DMXL2: variants seen among roughly 807,000 people sequenced by gnomAD.
The protein encoded by DMXL2 is dmX-like protein 2.
DMXL2 carries 103 observed loss-of-function variants against 331.1 expected under a neutral mutation model. That is an observed-to-expected ratio of 0.31 (90% CI 0.27 to 0.37). DMXL2 has a LOEUF of 0.37. Ranked by LOEUF, DMXL2 falls within the 10% of genes least tolerant of loss-of-function variation. The pLI is 1.00. For synonymous variants in DMXL2, 1,281 were observed against 1,252.1 expected (o/e 1.02, Z -0.49); for missense variants, 3,171 against 3,642.9 (o/e 0.87, Z 3.33).
chr15:51,458,378 T>G, intron 36 of DMXL2, 128 bp downstream of exon 36: 1 of 995,974 alleles, frequency 1.0e-6, no homozygotes, highest in Non-Finnish European at 1.5e-6. Flanking sequence ...CTAAACCAAT[T>G]ATATTTGTCA....
chr15:51,456,278 C>A lies in DMXL2; in HGVS notation c.8398+31G>T. 5 of 1,595,562 alleles carry A rather than the reference C, an allele frequency of 3.1e-6. No individual in the cohort carries two copies. The South Asian group carries it at 4.5e-5, about 14-fold the overall frequency. On this transcript the variant is annotated intron_variant, in intron 38 of 43. Coordinates refer to ENST00000560891, the MANE Select transcript of DMXL2 (RefSeq NM_001378457.1). ...CTATAAATCAACCTCCAAATGAGGA[C>A]ACTTACAATTATTAGGTCATAAATA...
At chr15:51,528,735 C>T (rs2047828806) in intron 13 of DMXL2, among the ~76,000 whole-genome samples, 1 of 151,700 alleles carries the variant, frequency 6.6e-6, no homozygotes, top group Non-Finnish European at 1.5e-5. Context: ...AACAAAGAAA[C>T]ATCAGACTTA....
At chr15:51,592,224 G>T (rs1212338926) in intron 1 of DMXL2, among the ~76,000 whole-genome samples, 1 of 152,020 alleles carries the variant, frequency 6.6e-6, no homozygotes, top group East Asian at 1.9e-4. Flanking sequence ...GTCCTTAAAG[G>T]ACCTGATGGA....
At chr15:51,595,764 C>A (rs1475111645) in intron 1 of DMXL2, among the ~76,000 whole-genome samples, 3 of 152,260 alleles carry the variant, frequency 2.0e-5, no homozygotes, top group African/African-American at 7.2e-5. Flanking sequence ...GAAATAATGC[C>A]ACATATCTAC....
rs996261634 is a variant in DMXL2, at chr15:51,447,908, C to T, written c.*1076G>A. On this transcript the variant is annotated 3_prime_UTR_variant, in exon 44 of 44. Transcript: ENST00000560891. Reference sequence around the variant, plus strand: ...TACTATTTACCACACAGGCATTGAACATTCTCATTAACATGATAAGACAAT... The same window carrying T: ...TACTATTTACCACACAGGCATTGAATATTCTCATTAACATGATAAGACAAT... 2.6e-5 allele frequency: 4 copies of T among 152,644 alleles called. No individual in the cohort carries two copies. Among genetic ancestry groups the T allele is most frequent in the Non-Finnish European group, 4.4e-5 (3 of 68,038 alleles). The allele number at this position is 152,644 out of a possible 1,614,324, so 9.5% of individuals were successfully genotyped here. A position where few individuals can be genotyped will look rare whatever the true frequency, so the allele number is the denominator to read the frequency against.
intron 1 of DMXL2, among the ~76,000 whole-genome samples, chr15:51,579,706 T>C (rs1274234177): frequency 6.6e-6 from 1 of 152,186 alleles, no homozygotes; most frequent in Non-Finnish European, 1.5e-5. Flanking sequence ...TGCTAATAAT[T>C]TGGCCAACCT....
At chr15:51,587,395 A>G (rs1333897628) in intron 1 of DMXL2, among the ~76,000 whole-genome samples, 1 of 150,442 alleles carries the variant, frequency 6.6e-6, no homozygotes, top group East Asian at 2.0e-4. Flanking sequence ...TTCAATTCCC[A>G]CCTACGAGTG....
intron 23 of DMXL2, among the ~76,000 whole-genome samples, chr15:51,483,148 C>T (rs754100786): frequency 5.9e-5 from 9 of 152,306 alleles, no homozygotes; most frequent in Non-Finnish European, 1.2e-4. Context: ...ACTTGCAAGC[C>T]CTGTGTCCAG....
At chr15:51,613,869 G>A (rs2054127788) in intron 1 of DMXL2, among the ~76,000 whole-genome samples, 1 of 152,134 alleles carries the variant, frequency 6.6e-6, no homozygotes, top group South Asian at 2.1e-4. Flanking sequence ...CTTTGGTTGA[G>A]CTGAGATTAC....
chr15:51,517,533 G>T (rs1186427434), intron 13 of DMXL2, among the ~76,000 whole-genome samples: 1 of 152,190 alleles, frequency 6.6e-6, no homozygotes, highest in Non-Finnish European at 1.5e-5. Flanking sequence ...TAAGGGCAAG[G>T]GTTGAGAAGA....
chr15:51,609,960 G>C (rs1481883534), intron 1 of DMXL2, among the ~76,000 whole-genome samples: 1 of 151,472 alleles, frequency 6.6e-6, no homozygotes, highest in Non-Finnish European at 1.5e-5. Context: ...ATCTAGGTTT[G>C]TGTAAGTACA....
intron 1 of DMXL2, among the ~76,000 whole-genome samples, chr15:51,594,629 C>T (rs1383955932): frequency 2.0e-5 from 3 of 152,070 alleles, no homozygotes; most frequent in African/African-American, 7.2e-5. Context: ...AATTTTAGAC[C>T]AATATCCCTG....
At chr15:51,572,002 G>T (rs886808516) in intron 2 of DMXL2, among the ~76,000 whole-genome samples, 1 of 152,028 alleles carries the variant, frequency 6.6e-6, no homozygotes, top group Non-Finnish European at 1.5e-5. Flanking sequence ...CCAGGAACTG[G>T]TTTTTTGAAA....
chr15:51,464,966 A>C lies in DMXL2; in HGVS notation c.7607-90T>G, dbSNP rs982152654. The C allele has an allele frequency of 1.1e-5, 13 of 1,138,006 alleles. No individual in the cohort carries two copies. In the African/African-American group the frequency reaches 2.1e-4, roughly 18 times the overall value. 70.5% of individuals were successfully genotyped at this position (1,138,006 alleles called of 1,614,324 possible). ...TAGAATCTGAATTCTCAGAGATAAT[A>C]CTTCTGAAAATACAAATAAATCTGC... On this transcript the variant is annotated intron_variant, in intron 31 of 43. Coordinates refer to ENST00000560891, the MANE Select transcript of DMXL2 (RefSeq NM_001378457.1).
intron 9 of DMXL2, among the ~76,000 whole-genome samples, chr15:51,541,995 G>T (rs2048623588): frequency 6.6e-6 from 1 of 152,180 alleles, no homozygotes; most frequent in South Asian, 2.1e-4. Context: ...GAGTTGGGAA[G>T]ATTTAAACTG....
intron 29 of DMXL2, among the ~76,000 whole-genome samples, chr15:51,469,215 T>G (rs1259087719): frequency 6.6e-6 from 1 of 151,314 alleles, no homozygotes; most frequent in African/African-American, 2.4e-5. Context: ...CAAAAATAAA[T>G]AATGAAATAT....
chr15:51,469,847 G>T (rs1356297537), intron 29 of DMXL2, among the ~76,000 whole-genome samples: 1 of 152,050 alleles, frequency 6.6e-6, no homozygotes, highest in Non-Finnish European at 1.5e-5. Context: ...AACTCAATTG[G>T]CAGCCTTAAG....
chr15:51,586,196 G>T (rs935796602), intron 1 of DMXL2, among the ~76,000 whole-genome samples: 10 of 152,172 alleles, frequency 6.6e-5, no homozygotes, highest in African/African-American at 2.4e-4. Flanking sequence ...GATGAGTACG[G>T]AAATGTTGGA....
intron 1 of DMXL2, among the ~76,000 whole-genome samples, chr15:51,614,525 C>T (rs1478233149): frequency 6.6e-6 from 1 of 152,196 alleles, no homozygotes; most frequent in Admixed American, 6.5e-5. Flanking sequence ...CACAGCTTTA[C>T]ACCTATATTA....
Sources: allele counts gnomAD v4.1 joint callset (sites outside exome capture counted in the v4.1 genomes callset), GRCh38; gene constraint gnomAD v4.1.1; transcripts MANE v1.5; gene names NCBI Gene and HGNC (gene_info 2026-07-23, HGNC 2026-07-21).